Variants in ANKS1B observed in about 807,000 individuals in gnomAD.
ANKS1B encodes ankyrin repeat and sterile alpha motif domain containing 1B.
A neutral mutation model predicts 148.3 loss-of-function variants in ANKS1B; 36 were observed. The ratio of observed to expected loss-of-function variants is 0.24; its 90% confidence interval spans 0.19 to 0.32. The LOEUF is 0.32. Among genes scored for constraint, ANKS1B ranks in the 10% least tolerant of loss-of-function variants. The pLI, the probability that ANKS1B is intolerant of heterozygous loss-of-function variation, is 1.00. For synonymous variants in ANKS1B, 542 were observed against 560.8 expected, an observed-to-expected ratio of 0.97 and a Z score of 0.47; for missense variants, 1,157 against 1,542.6, an observed-to-expected ratio of 0.75 and a Z score of 4.19.
intron 22 of ANKS1B, chr12:98,794,568 G>A (rs2098930454): frequency 5.4e-6 from 4 of 739,494 alleles, no homozygotes; most frequent in South Asian, 4.1e-5. Flanking sequence ...ATTGCAAGGT[G>A]TTCAGATTTT....
intron 17 of ANKS1B, among the ~76,000 whole-genome samples, chr12:98,979,461 C>T (rs1335723348): frequency 1.3e-5 from 2 of 151,554 alleles, no homozygotes; most frequent in South Asian, 2.1e-4. Context: ...TTAGTAGAGA[C>T]GGGGTTTCAC....
intron 17 of ANKS1B, among the ~76,000 whole-genome samples, chr12:98,885,100 C>T (rs2099736381): frequency 6.6e-6 from 1 of 152,102 alleles, no homozygotes; most frequent in Non-Finnish European, 1.5e-5. Flanking sequence ...AGCAAGATCT[C>T]TAGGTTCCAT....
chr12:99,288,802 G>A (rs1026531636), intron 12 of ANKS1B, among the ~76,000 whole-genome samples: 1 of 151,936 alleles, frequency 6.6e-6, no homozygotes, highest in Non-Finnish European at 1.5e-5. Flanking sequence ...TATACCTCCT[G>A]AGAAAACCAC....
chr12:99,980,345 C>T (rs1020676878), intron 1 of ANKS1B, among the ~76,000 whole-genome samples: 1 of 151,940 alleles, frequency 6.6e-6, no homozygotes, highest in African/African-American at 2.4e-5. Context: ...CATTACAGAA[C>T]ACTGAAAATA....
At chr12:99,543,349 G>A (rs1282303680) in intron 9 of ANKS1B, among the ~76,000 whole-genome samples, 2 of 152,080 alleles carry the variant, frequency 1.3e-5, no homozygotes, top group African/African-American at 2.4e-5. Context: ...TGGAAAAATT[G>A]GAACCTTCAT....
intron 1 of ANKS1B, among the ~76,000 whole-genome samples, chr12:99,878,430 C>T (rs1166423399): frequency 6.6e-6 from 1 of 152,182 alleles, no homozygotes; most frequent in African/African-American, 2.4e-5. Context: ...TTACAATGTG[C>T]TTTGGTGTGC....
intron 8 of ANKS1B, among the ~76,000 whole-genome samples, chr12:99,767,993 T>C (rs2062815651): frequency 6.6e-6 from 1 of 152,190 alleles, no homozygotes; most frequent in African/African-American, 2.4e-5. Context: ...TTGAAATTAC[T>C]GAATCAGAGT....
At chr12:99,821,007 T>G (rs1565794075) in intron 2 of ANKS1B, among the ~76,000 whole-genome samples, 1 of 152,032 alleles carries the variant, frequency 6.6e-6, no homozygotes, top group Non-Finnish European at 1.5e-5. Flanking sequence ...TACAAGTTCA[T>G]AGATTATTTA....
intron 4 of ANKS1B, 125 bp from the exon 5 acceptor site, chr12:99,782,222 A>G: frequency 1.3e-6 from 1 of 758,414 alleles, no homozygotes; most frequent in Non-Finnish European, 2.1e-6. Context: ...TCCCTAACAG[A>G]AAGGTCATGT....
intron 8 of ANKS1B, among the ~76,000 whole-genome samples, chr12:99,743,617 A>G (rs2060318785): frequency 6.6e-6 from 1 of 152,212 alleles, no homozygotes; most frequent in African/African-American, 2.4e-5. Context: ...ATAATTTTCA[A>G]GTTATATGTA....
chr12:98,883,627 A>G (rs2099722969), intron 17 of ANKS1B, among the ~76,000 whole-genome samples: 1 of 152,240 alleles, frequency 6.6e-6, no homozygotes, highest in African/African-American at 2.4e-5. Flanking sequence ...TATTGCATGG[A>G]ATTAAGTTTC....
At chr12:99,969,936 G>A (rs1450034283) in intron 1 of ANKS1B, among the ~76,000 whole-genome samples, 2 of 152,108 alleles carry the variant, frequency 1.3e-5, no homozygotes, top group Non-Finnish European at 2.9e-5. Context: ...TAAAAATGGG[G>A]AAGACATTGC....
chr12:98,831,472 C>T (rs985176945), intron 18 of ANKS1B: 4 of 152,304 alleles, frequency 2.6e-5, no homozygotes, highest in Admixed American at 6.5e-5. Flanking sequence ...AACCCATTTC[C>T]GCTCTCTTGG....
At chr12:98,960,163 C>T (rs1393730715) in intron 17 of ANKS1B, among the ~76,000 whole-genome samples, 2 of 152,164 alleles carry the variant, frequency 1.3e-5, no homozygotes, top group Admixed American at 6.5e-5. Flanking sequence ...GTGGTTACCA[C>T]AGGTGTTGGG....
chr12:98,967,078 GGGA>G (rs1291867276), intron 17 of ANKS1B, among the ~76,000 whole-genome samples: 4 of 152,220 alleles, frequency 2.6e-5, no homozygotes, highest in Non-Finnish European at 2.9e-5. Context: ...AGTCATAGGA[GGGA>G]TGCCAAGTGT....
intron 12 of ANKS1B, among the ~76,000 whole-genome samples, chr12:99,256,231 C>T (rs954144186): frequency 1.1e-4 from 15 of 142,740 alleles, no homozygotes; most frequent in South Asian, 2.2e-4. Flanking sequence ...GCCTGGGTGA[C>T]GGAGTGAAAC....
chr12:99,378,459 T>A (rs550020958), intron 12 of ANKS1B, among the ~76,000 whole-genome samples: 1 of 151,914 alleles, frequency 6.6e-6, no homozygotes, highest in African/African-American at 2.4e-5. Flanking sequence ...ATCGAGACCA[T>A]CCTGGCCAAC....
intron 14 of ANKS1B, among the ~76,000 whole-genome samples, chr12:99,155,816 C>T (rs2075977684): frequency 6.6e-6 from 1 of 152,142 alleles, no homozygotes; most frequent in Non-Finnish European, 1.5e-5. Flanking sequence ...CCAACTTCTA[C>T]TTGAATACTG....
chr12:99,939,642 G>C (rs1039779444), intron 1 of ANKS1B, among the ~76,000 whole-genome samples: 3 of 152,074 alleles, frequency 2.0e-5, no homozygotes, highest in African/African-American at 7.2e-5. Context: ...GATCTTATCA[G>C]GATCAAGGTA....
Sources: allele counts gnomAD v4.1 joint callset (sites outside exome capture counted in the v4.1 genomes callset), GRCh38; gene constraint gnomAD v4.1.1; transcripts MANE v1.5; gene names NCBI Gene and HGNC (gene_info 2026-07-23, HGNC 2026-07-21).